The following MDGA2 variants were observed in gnomAD, a reference collection of about 807,000 sequenced individuals.
The protein encoded by MDGA2 is MAM domain-containing glycosylphosphatidylinositol anchor protein 2.
Under a neutral mutation model 117.8 loss-of-function variants are expected in MDGA2, and 40 were observed. The observed-to-expected ratio is 0.34, with a 90% CI of 0.26 to 0.44. The LOEUF is 0.44. MDGA2 is among the 20% of genes least tolerant of loss of function. The pLI, the probability that MDGA2 is intolerant of heterozygous loss-of-function variation, is 1.00. For synonymous variants in MDGA2, 452 were observed against 439.0 expected (o/e 1.03, Z -0.37); for missense variants, 1,123 against 1,250.6 (o/e 0.90, Z 1.54).
chr14:46,868,981 A>G (rs1881888652), intron 14 of MDGA2, among the ~76,000 whole-genome samples: 1 of 151,984 alleles, frequency 6.6e-6, no homozygotes, highest in African/African-American at 2.4e-5. Flanking sequence ...TTCTCTCTTA[A>G]AAGTCTCATT....
intron 1 of MDGA2, among the ~76,000 whole-genome samples, chr14:47,537,733 T>C (rs1386938542): frequency 6.6e-6 from 1 of 152,098 alleles, no homozygotes; most frequent in East Asian, 1.9e-4. Flanking sequence ...AACTGATCCA[T>C]TGATCCTGTG....
intron 5 of MDGA2, among the ~76,000 whole-genome samples, chr14:47,108,196 C>T (rs1001774086): frequency 2.2e-4 from 33 of 152,102 alleles, no homozygotes; most frequent in Admixed American, 1.6e-3. Flanking sequence ...GGCCTGTCCT[C>T]GGAATGCTAC....
chr14:46,897,066 C>T (rs1412643156), intron 10 of MDGA2, among the ~76,000 whole-genome samples: 1 of 152,036 alleles, frequency 6.6e-6, no homozygotes, highest in Non-Finnish European at 1.5e-5. Flanking sequence ...CAAAGTAAAT[C>T]GATAATTGAA....
chr14:47,566,147 A>C (rs1235581463), intron 1 of MDGA2, among the ~76,000 whole-genome samples: 11 of 152,216 alleles, frequency 7.2e-5, no homozygotes, highest in Admixed American at 7.2e-4. Context: ...TGTGCCAGTG[A>C]AGTAACACGG....
intron 1 of MDGA2, among the ~76,000 whole-genome samples, chr14:47,396,009 A>T (rs1892000027): frequency 1.3e-5 from 2 of 152,178 alleles, no homozygotes; most frequent in African/African-American, 4.8e-5. Context: ...TAGCAAGAGA[A>T]TCTATGTGTT....
At chr14:47,043,250 T>C (rs1889141175) in intron 7 of MDGA2, among the ~76,000 whole-genome samples, 2 of 152,066 alleles carry the variant, frequency 1.3e-5, no homozygotes, top group Admixed American at 6.6e-5. Context: ...GAGATCATGA[T>C]AGGCAACACA....
intron 1 of MDGA2, among the ~76,000 whole-genome samples, chr14:47,389,606 CCA>C (rs200077028): frequency 1.2e-4 from 12 of 96,478 alleles, no homozygotes; most frequent in African/African-American, 4.7e-4. Context: ...ACACACACAC[CCA>C]CACACACACA....
At chr14:47,672,942 C>G (rs1898101766) in intron 1 of MDGA2, among the ~76,000 whole-genome samples, 1 of 152,162 alleles carries the variant, frequency 6.6e-6, no homozygotes. Flanking sequence ...CTCAGCATCT[C>G]TCTCATACAC....
Position 47,169,242 on chromosome 14 carries a change from T to A in MDGA2, c.596-24968A>T, listed in dbSNP as rs529224862. ...AGTTCGATATGACCAAATATAACAT[T>A]TGACAACTTTAACAACTAATTTCCT... On this transcript the variant is annotated intron_variant, in intron 3 of 16. Transcript: ENST00000399232. 2.0e-5 allele frequency among the ~76,000 whole-genome samples: 3 copies of A among 152,114 alleles called. 1 individual carries two copies. Among genetic ancestry groups the A allele is most frequent in the African/African-American group, 7.2e-5 (3 of 41,570 alleles).
intron 1 of MDGA2, among the ~76,000 whole-genome samples, chr14:47,672,315 A>G (rs1271690850): frequency 7.9e-5 from 12 of 152,208 alleles, no homozygotes; most frequent in Admixed American, 7.9e-4. Context: ...AAACTAAATG[A>G]AAAAGACCCC....
chr14:47,237,720 T>G (rs1300218260), intron 2 of MDGA2, among the ~76,000 whole-genome samples: 1 of 152,044 alleles, frequency 6.6e-6, no homozygotes, highest in Non-Finnish European at 1.5e-5. Flanking sequence ...TTGAATCACC[T>G]CCATATGCAG....
intron 1 of MDGA2, among the ~76,000 whole-genome samples, chr14:47,477,201 A>C (rs1334884188): frequency 1.3e-5 from 2 of 152,188 alleles, no homozygotes; most frequent in Non-Finnish European, 2.9e-5. Flanking sequence ...TTTCAAAATT[A>C]TTATATTAAA....
chr14:46,922,541 C>T (rs746853718), intron 9 of MDGA2, among the ~76,000 whole-genome samples: 14 of 152,096 alleles, frequency 9.2e-5, no homozygotes, highest in Non-Finnish European at 1.8e-4. Flanking sequence ...TCTTGAAAGG[C>T]CATATTTATT....
At chr14:47,015,000 G>T (rs935599193) in intron 8 of MDGA2, among the ~76,000 whole-genome samples, 1 of 152,006 alleles carries the variant, frequency 6.6e-6, no homozygotes, top group African/African-American at 2.4e-5. Flanking sequence ...CCTTTCACTT[G>T]AACACTTAGA....
At chr14:47,149,073 T>C (rs1048047293) in intron 3 of MDGA2, among the ~76,000 whole-genome samples, 2 of 152,014 alleles carry the variant, frequency 1.3e-5, no homozygotes, top group African/African-American at 4.8e-5. Flanking sequence ...GGTGGATCAT[T>C]TGAGGTCAGG....
At chr14:47,613,435 T>C (rs527432573) in intron 1 of MDGA2, among the ~76,000 whole-genome samples, 2 of 151,734 alleles carry the variant, frequency 1.3e-5, no homozygotes, top group African/African-American at 4.8e-5. Context: ...AATCTACTAT[T>C]TGCAGGCAAC....
chr14:46,862,054 CTG>C (rs1881531454), intron 14 of MDGA2, among the ~76,000 whole-genome samples: 1 of 151,964 alleles, frequency 6.6e-6, no homozygotes, highest in South Asian at 2.1e-4. Context: ...CCCAGAGACA[CTG>C]TGTTCATGCT....
chr14:46,866,258 C>A (rs1416503464), intron 14 of MDGA2, among the ~76,000 whole-genome samples: 2 of 152,086 alleles, frequency 1.3e-5, no homozygotes, highest in Admixed American at 6.6e-5. Context: ...ACTATCTGAT[C>A]TTTGACAAAC....
In MDGA2 at chr14:47,179,532, T is replaced by A. The variant is rs189905128; in HGVS notation, c.596-35258A>T. ...TGTTCACAACACATCCCTGTATTAA[T>A]TCGAGTCTCATTTACACATAATTAA... On this transcript the variant is annotated intron_variant, in intron 3 of 16. Coordinates refer to ENST00000399232, the MANE Select transcript of MDGA2 (RefSeq NM_001113498.3). Among the ~76,000 whole-genome samples the A allele has an allele frequency of 5.9e-5, 9 of 152,174 alleles. No homozygotes were observed. The East Asian group carries it at 1.7e-3, about 29-fold the overall frequency.
Sources: allele counts gnomAD v4.1 joint callset (sites outside exome capture counted in the v4.1 genomes callset), GRCh38; gene constraint gnomAD v4.1.1; transcripts MANE v1.5; gene names NCBI Gene and HGNC (gene_info 2026-07-23, HGNC 2026-07-21).